SGPP1: variants seen among roughly 807,000 people sequenced by gnomAD.
SGPP1 encodes the protein sphingosine-1-phosphate phosphatase 1, also known as hSPP1.
SGPP1 carries 21 observed loss-of-function variants against 33.0 expected under a neutral mutation model. That is an observed-to-expected ratio of 0.64 (90% confidence interval 0.45 to 0.92). The LOEUF (loss-of-function observed/expected upper bound fraction) is 0.92, where lower values mean the gene tolerates loss of function less well. SGPP1 is among the 40% of genes least tolerant of loss of function. The pLI is 0.00. For synonymous variants in SGPP1, 239 were observed against 241.2 expected, an observed-to-expected ratio of 0.99 and a Z score of 0.08; for missense variants, 543 against 589.4, an observed-to-expected ratio of 0.92 and a Z score of 0.81.
intron 2 of SGPP1, among the ~76,000 whole-genome samples, chr14:63,687,625 G>A (rs923848140): frequency 3.9e-5 from 6 of 152,214 alleles, no homozygotes; most frequent in Admixed American, 3.3e-4. Context: ...TATATTTAGA[G>A]GCAGAGGAAA....
intron 1 of SGPP1, among the ~76,000 whole-genome samples, chr14:63,727,001 T>C (rs757471349): frequency 2.0e-5 from 3 of 152,238 alleles, no homozygotes; most frequent in African/African-American, 4.8e-5. Flanking sequence ...TGTATTACTC[T>C]AGGAAAAGTG....
Position 63,686,456 on chromosome 14 carries a change from A to G in SGPP1, c.975T>C (p.Ser325=), listed in dbSNP as rs562375616. The G allele has an allele frequency of 5.8e-4, 935 of 1,614,130 alleles. 14 individuals are homozygous for G. The South Asian group carries it at 9.6e-3, about 17-fold the overall frequency. The change falls in exon 3 of 3, where the codon AGT becomes AGC. Residue 325 remains serine, a synonymous_variant. Transcript: ENST00000247225. ...GAGATCCACATGCAATTCCAGCACCACTTCCTAGTATCTCGGCTGTGTCTC... is the reference window on the plus strand; with the variant it reads ...GAGATCCACATGCAATTCCAGCACCGCTTCCTAGTATCTCGGCTGTGTCTC... ...SRGDTAEILG[S]GAGIACGSHV...
intron 1 of SGPP1, among the ~76,000 whole-genome samples, chr14:63,723,762 G>A (rs1885823484): frequency 6.6e-6 from 1 of 151,982 alleles, no homozygotes; most frequent in Non-Finnish European, 1.5e-5. Flanking sequence ...AAGAAGCTGA[G>A]ACAGCAATCT....
rs532567160 is a variant in SGPP1, at chr14:63,724,050, G to A, written c.684+3211C>T. 2.6e-5 allele frequency among the ~76,000 whole-genome samples: 4 copies of A among 151,860 alleles called. No individual in the cohort carries two copies. The South Asian group carries it at 8.3e-4, about 32-fold the overall frequency. On this transcript the variant is annotated intron_variant, in intron 1 of 2. Transcript: ENST00000247225. ...GCGCCACCATGCCCAGCTGATTTTTGATTTTTTTTTGCAGAGACAGGGTCT... is the reference window on the plus strand; with the variant it reads ...GCGCCACCATGCCCAGCTGATTTTTAATTTTTTTTTGCAGAGACAGGGTCT...
chr14:63,688,718 TTTTTTTC>T (rs1311610019), intron 2 of SGPP1, among the ~76,000 whole-genome samples: 5 of 143,516 alleles, frequency 3.5e-5, no homozygotes, highest in African/African-American at 1.4e-4. Context: ...TCATTTCTTT[TTTTTTTC>T]TTTTTTTTTT....
At chr14:63,719,659 T>C (rs542117632) in intron 1 of SGPP1, among the ~76,000 whole-genome samples, 68 of 152,164 alleles carry the variant, frequency 4.5e-4, no homozygotes, top group Middle Eastern at 6.8e-3. Flanking sequence ...TATTAATATA[T>C]TGGAACAGCA....
intron 1 of SGPP1, among the ~76,000 whole-genome samples, chr14:63,711,285 G>T (rs926043793): frequency 6.6e-6 from 1 of 152,146 alleles, no homozygotes; most frequent in Non-Finnish European, 1.5e-5. Context: ...AAAGTGCTGG[G>T]ATTACAGGCG....
Position 63,728,015 on chromosome 14 carries a change from G to A in SGPP1, c.-71C>T. The A allele has an allele frequency of 3.5e-6, 5 of 1,426,594 alleles. No individual in the cohort carries two copies. Among genetic ancestry groups the A allele is most frequent in the Non-Finnish European group, 3.7e-6 (4 of 1,093,796 alleles). 88.4% of individuals were successfully genotyped at this position (1,426,594 alleles called of 1,614,324 possible). A position where few individuals can be genotyped will look rare whatever the true frequency, so the allele number is the denominator to read the frequency against. On this transcript the variant is annotated 5_prime_UTR_variant, in exon 1 of 3. Transcript: ENST00000247225. ...CGAACTGTCCCCGCGCTCCTGGCCA[G>A]CGGCAGCGGAACCGGCACAGCGCTC...
chr14:63,712,365 C>T (rs541887876), intron 1 of SGPP1, among the ~76,000 whole-genome samples: 1 of 152,210 alleles, frequency 6.6e-6, no homozygotes, highest in African/African-American at 2.4e-5. Context: ...AATCTACACC[C>T]CTCTCTTCTG....
Position 63,727,501 on chromosome 14 carries a change from G to A in SGPP1, c.444C>T (p.Phe148=), listed in dbSNP as rs922786487. The change falls in exon 1 of 3, where the codon TTC becomes TTT. Residue 148 remains phenylalanine (F), a synonymous_variant. Coordinates refer to ENST00000247225, the MANE Select transcript of SGPP1 (RefSeq NM_030791.4). The part of the protein sequence containing the change: ...LGNELFYILF[F]PFWIWNLDPL... Reference sequence around the variant, plus strand: ...GGTCCAGGTTCCAGATCCAGAAGGGGAAGAACAGGATGTAGAAGAGTTCGT... The same window carrying A: ...GGTCCAGGTTCCAGATCCAGAAGGGAAAGAACAGGATGTAGAAGAGTTCGT... 3.7e-6 allele frequency: 6 copies of A among 1,614,154 alleles called. No homozygotes were observed. The East Asian group carries it at 1.3e-4, about 36-fold the overall frequency.
At chr14:63,724,720 G>A (rs554938714) in intron 1 of SGPP1, among the ~76,000 whole-genome samples, 3 of 148,610 alleles carry the variant, frequency 2.0e-5, no homozygotes, top group South Asian at 2.2e-4. Context: ...TGGGGAGGCC[G>A]ATGAGCGGGG....
chr14:63,711,363 T>C (rs1050818094), intron 1 of SGPP1, among the ~76,000 whole-genome samples: 3 of 152,168 alleles, frequency 2.0e-5, no homozygotes, highest in Non-Finnish European at 2.9e-5. Flanking sequence ...ATTCTTTACA[T>C]AATGTATTAC....
chr14:63,713,173 A>G (rs1032552345), intron 1 of SGPP1, among the ~76,000 whole-genome samples: 4 of 152,130 alleles, frequency 2.6e-5, no homozygotes, highest in African/African-American at 9.7e-5. Flanking sequence ...AGACACTTCA[A>G]ACTCGAAATA....
chr14:63,695,812 A>G (rs1885176287), intron 2 of SGPP1, among the ~76,000 whole-genome samples: 1 of 152,156 alleles, frequency 6.6e-6, no homozygotes, highest in African/African-American at 2.4e-5. Context: ...CCGGGAGGGT[A>G]AGGTGGGAGG....
intron 1 of SGPP1, among the ~76,000 whole-genome samples, chr14:63,706,334 T>C (rs1482369711): frequency 6.6e-6 from 1 of 152,122 alleles, no homozygotes; most frequent in East Asian, 1.9e-4. Flanking sequence ...GTGATAAAAG[T>C]GTTTTGGAAC....
At chr14:63,696,537 T>C (rs2139633171) in intron 2 of SGPP1, among the ~76,000 whole-genome samples, 1 of 152,348 alleles carries the variant, frequency 6.6e-6, no homozygotes, top group African/African-American at 2.4e-5. Flanking sequence ...GAAAACATTT[T>C]CTTGTAACAA....
Position 63,727,300 on chromosome 14 carries a change from G to T in SGPP1, c.645C>A (p.Ile215=). ...AGGTGAGGAGGACCATAGAAATGGGGATGGCGGTGCCGGACATGGCATGGG... is the reference window on the plus strand; with the variant it reads ...AGGTGAGGAGGACCATAGAAATGGGTATGGCGGTGCCGGACATGGCATGGG... The part of the protein sequence containing the change: ...PSTHAMSGTA[I]PISMVLLTYG... The change falls in exon 1 of 3, where the codon ATC becomes ATA. Residue 215 remains isoleucine (I), a synonymous_variant. Transcript: ENST00000247225. 1 of 1,613,940 alleles carries T rather than the reference G, an allele frequency of 6.2e-7. No individual in the cohort carries two copies. The highest frequency in any genetic ancestry group is 2.2e-5 in the East Asian group (1 of 44,880).
intron 1 of SGPP1, among the ~76,000 whole-genome samples, chr14:63,714,749 T>A (rs965933830): frequency 6.6e-6 from 1 of 151,522 alleles, no homozygotes; most frequent in Non-Finnish European, 1.5e-5. Context: ...TATTTATTTT[T>A]TTTTTTTTGA....
At position 63,727,261 on chromosome 14, in the gene SGPP1, C is replaced by T; in HGVS notation, c.684G>A (p.Gln228=). ...TGAACAGGACGAGAAGGAACCCTAC[C>T]TGCCAGCGGCCATAGGTGAGGAGGA... ...SMVLLTYGRW[Q]YPLIYGLILI... is the part of the protein sequence containing the mutation. Residue 228 remains glutamine, a splice_region_variant and synonymous_variant, in exon 1 of 3, where the codon CAG becomes CAA. Transcript: ENST00000247225. 1 of 1,606,092 alleles carries T rather than the reference C, an allele frequency of 6.2e-7. No individual in the cohort carries two copies. Among genetic ancestry groups the T allele is most frequent in the African/African-American group, 1.3e-5 (1 of 74,948 alleles).
Sources: allele counts gnomAD v4.1 joint callset (sites outside exome capture counted in the v4.1 genomes callset), GRCh38; gene constraint gnomAD v4.1.1; transcripts MANE v1.5; gene names NCBI Gene and HGNC (gene_info 2026-07-23, HGNC 2026-07-21).